Variants in ADAM12 observed in about 807,000 individuals in gnomAD.
The protein encoded by ADAM12 is disintegrin and metalloproteinase domain-containing protein 12.
A neutral mutation model predicts 106.4 loss-of-function variants in ADAM12; 70 were observed. That is an observed-to-expected ratio of 0.66 (90% CI 0.54 to 0.80). The LOEUF is 0.80. ADAM12 is among the 30% of genes least tolerant of loss of function. The pLI is 0.00. For missense variants in ADAM12, 1,010 were observed against 1,171.9 expected (o/e 0.86, Z 2.02); for synonymous variants, 420 against 433.5 (o/e 0.97, Z 0.39).
chr10:126,203,115 G>T (rs376723837), intron 3 of ADAM12, among the ~76,000 whole-genome samples: 1 of 152,260 alleles, frequency 6.6e-6, no homozygotes, highest in Non-Finnish European at 1.5e-5. Flanking sequence ...TGGAGACAGC[G>T]ATGGTCAGGT....
intron 1 of ADAM12, among the ~76,000 whole-genome samples, chr10:126,348,658 C>T (rs1463305633): frequency 6.6e-6 from 1 of 152,170 alleles, no homozygotes; most frequent in Non-Finnish European, 1.5e-5. Context: ...ACTGAGATTT[C>T]CTCTGTCTCT....
Position 126,071,567 on chromosome 10 carries a change from G to T in ADAM12, c.1233C>A (p.Asn411Lys). The T allele has an allele frequency of 6.2e-7, 1 of 1,614,136 alleles. No homozygotes were observed. Among genetic ancestry groups the T allele is most frequent in the East Asian group, 2.2e-5 (1 of 44,874 alleles). ...LEKGMGVCLF[N>K]LPEVRESFGG... Reference sequence around the variant, plus strand: ...CGAAAGACTCCCTGACTTCCGGCAGGTTAAACAGGCACACCCCCATTCCTT... The same window carrying T: ...CGAAAGACTCCCTGACTTCCGGCAGTTTAAACAGGCACACCCCCATTCCTT... The change falls in exon 12 of 23, where the codon AAC becomes AAA. Residue 411 changes from asparagine to lysine, a missense_variant. This residue lies in a region of ADAM12 where 615 missense variants were observed against 708.5 expected (regional missense o/e 0.87). Transcript: ENST00000448723.
intron 1 of ADAM12, among the ~76,000 whole-genome samples, chr10:126,342,397 C>T (rs1363846567): frequency 1.3e-5 from 2 of 152,174 alleles, no homozygotes; most frequent in African/African-American, 4.8e-5. Flanking sequence ...TTAGAATTAG[C>T]GTCCTGAAGA....
chr10:126,315,802 C>T (rs1380411973), intron 2 of ADAM12, among the ~76,000 whole-genome samples: 2 of 152,138 alleles, frequency 1.3e-5, no homozygotes, highest in Non-Finnish European at 2.9e-5. Context: ...ACAGCAGATC[C>T]AGACATGAAA....
intron 3 of ADAM12, among the ~76,000 whole-genome samples, chr10:126,211,752 C>T (rs1353191977): frequency 6.6e-6 from 1 of 152,170 alleles, no homozygotes; most frequent in Non-Finnish European, 1.5e-5. Flanking sequence ...TCATCTCTGC[C>T]TCCTGAACCA....
At chr10:126,316,783 C>CAAAAA (rs376131530) in intron 2 of ADAM12, among the ~76,000 whole-genome samples, 18 of 82,530 alleles carry the variant, frequency 2.2e-4, no homozygotes, top group East Asian at 6.2e-4. Flanking sequence ...GACCCTATCT[C>CAAAAA]AAAAAAAAAA....
In ADAM12 at chr10:126,043,793, G is replaced by A. The variant is rs998580750; in HGVS notation, c.1996-645C>T. Among the ~76,000 whole-genome samples, 1 of 152,232 alleles carries A rather than the reference G, an allele frequency of 6.6e-6. No homozygotes were observed. The highest frequency in any genetic ancestry group is 1.5e-5 in the Non-Finnish European group (1 of 68,040). ...CCTCCTTCTTGCAGAGGTTCCCAGT[G>A]GCTGTTCCCTGGCTCCCAGTCACGC... On this transcript the variant is annotated intron_variant, in intron 17 of 22. Transcript: ENST00000448723. This position sits in a 1 kb window ranked among gnomAD's most constrained non-coding sequence, Gnocchi z 4.1.
intron 6 of ADAM12, among the ~76,000 whole-genome samples, chr10:126,112,335 GTT>G (rs576900335): frequency 7.0e-6 from 1 of 142,428 alleles, no homozygotes; most frequent in South Asian, 2.3e-4. Context: ...CATGTATCCT[GTT>G]TTTTTTTTTT....
chr10:126,296,245 A>C (rs2133790168), intron 2 of ADAM12, among the ~76,000 whole-genome samples: 1 of 152,296 alleles, frequency 6.6e-6, no homozygotes, highest in African/African-American at 2.4e-5. Context: ...GGGCTCAAGC[A>C]ATCTTCCCAC....
In ADAM12 at chr10:126,064,859, T is replaced by G. The variant is rs755360717; in HGVS notation, c.1556A>C (p.Tyr519Ser). The G allele has an allele frequency of 1.9e-6, 3 of 1,612,388 alleles. No individual in the cohort carries two copies. The highest frequency in any genetic ancestry group is 4.5e-5 in the East Asian group (2 of 44,822). Residue 519 changes from tyrosine (Y) to serine (S), a missense_variant, in exon 14 of 23, where the codon TAC (tyrosine) becomes TCC (serine). By Grantham distance (144) the Tyr-to-Ser change is moderately radical. Around this residue, in one of 3 missense-constraint regions of ADAM12, gnomAD observed 615 missense variants for 708.5 expected, o/e 0.87. Transcript: ENST00000448723. This position sits in a 1 kb window ranked among gnomAD's most constrained non-coding sequence, Gnocchi z 4.4. Reference sequence around the variant, plus strand: ...CTCGTGAGTCTGGCAGATGCCATTGTAGCAGTAGCCGTCCACATCCTGACA... The same window carrying G: ...CTCGTGAGTCTGGCAGATGCCATTGGAGCAGTAGCCGTCCACATCCTGACA... ...HSCQDVDGYC[Y>S]NGICQTHEQQ...
At chr10:126,268,815 T>C (rs1959151760) in intron 3 of ADAM12, among the ~76,000 whole-genome samples, 2 of 152,174 alleles carry the variant, frequency 1.3e-5, no homozygotes, top group African/African-American at 4.8e-5. Context: ...TAGCAGAATC[T>C]GTGTTTATGA....
chr10:126,166,020 T>A (rs1048311936), intron 3 of ADAM12, among the ~76,000 whole-genome samples: 1 of 152,228 alleles, frequency 6.6e-6, no homozygotes, highest in Admixed American at 6.5e-5. Context: ...TTTGCCCAGC[T>A]CTTTCTCATT....
chr10:126,286,490 T>C (rs778144980), intron 2 of ADAM12, among the ~76,000 whole-genome samples: 18 of 152,180 alleles, frequency 1.2e-4, no homozygotes, highest in Non-Finnish European at 2.4e-4. Flanking sequence ...TCAAGGGAAC[T>C]CTAAAATAAC....
chr10:126,066,869 A>G lies in ADAM12; in HGVS notation c.1324-63T>C. On this transcript the variant is annotated intron_variant, in intron 12 of 22. Transcript: ENST00000448723. The surrounding 1 kb of genome is among the most constrained non-coding windows in gnomAD (Gnocchi z 5.1). ...TGGAGTATGCACTCACTGAATGCAA[A>G]CATCACACCTTAAATGGCTGCAAAA... is the stretch of plus-strand genomic sequence containing the variant. 1 of 1,479,720 alleles carries G rather than the reference A, an allele frequency of 6.8e-7. No individual in the cohort carries two copies. Among genetic ancestry groups the G allele is most frequent in the Non-Finnish European group, 9.4e-7 (1 of 1,063,212 alleles). The allele number at this position is 1,479,720 out of a possible 1,614,324, so 91.7% of individuals were successfully genotyped here. A position where few individuals can be genotyped will look rare whatever the true frequency, so the allele number is the denominator to read the frequency against.
chr10:126,127,868 G>A (rs1956230912), intron 5 of ADAM12, among the ~76,000 whole-genome samples: 1 of 152,188 alleles, frequency 6.6e-6, no homozygotes, highest in South Asian at 2.1e-4. Context: ...AGTCAAAAGG[G>A]AGGGCAGGGA....
At chr10:126,086,707 A>ATATATATATATATATAT (rs1449849709) in intron 11 of ADAM12, among the ~76,000 whole-genome samples, 4 of 92,918 alleles carry the variant, frequency 4.3e-5, no homozygotes, top group African/African-American at 1.7e-4. Flanking sequence ...ATATATATAT[A>ATATATATATATATATAT]AAATAAAATA....
Position 126,108,545 on chromosome 10 carries a change from C to G in ADAM12, c.741+48G>C, listed in dbSNP as rs11244814. Reference sequence around the variant, plus strand: ...AGATGAGGTCCCCCAACCTCATTTCCAAACATTTACATGATCTGAATGATT... The same window carrying G: ...AGATGAGGTCCCCCAACCTCATTTCGAAACATTTACATGATCTGAATGATT... On this transcript the variant is annotated intron_variant, in intron 8 of 22. Coordinates refer to ENST00000448723, the MANE Select transcript of ADAM12 (RefSeq NM_001288973.2). 14,049 of 1,562,846 alleles carry G rather than the reference C, an allele frequency of 9.0e-3. 1,099 individuals are homozygous for G. In the African/African-American group the frequency reaches 0.17, roughly 19 times the overall value.
chr10:126,157,137 A>T (rs1262553996), intron 3 of ADAM12, among the ~76,000 whole-genome samples: 1 of 152,154 alleles, frequency 6.6e-6, no homozygotes, highest in Non-Finnish European at 1.5e-5. Context: ...TCTGGGGATG[A>T]CGTCTTTCTT....
chr10:126,110,819 C>CA (rs745474857), intron 6 of ADAM12, among the ~76,000 whole-genome samples: 40 of 152,090 alleles, frequency 2.6e-4, no homozygotes, highest in Non-Finnish European at 5.0e-4. Flanking sequence ...ACATTAAAAA[C>CA]AAAAAACAAA....
Sources: allele counts gnomAD v4.1 joint callset (sites outside exome capture counted in the v4.1 genomes callset), GRCh38; gene constraint gnomAD v4.1.1; regional missense constraint gnomAD v4.1.1; non-coding constraint Gnocchi (gnomAD v3.1); transcripts MANE v1.5; gene names NCBI Gene and HGNC (gene_info 2026-07-23, HGNC 2026-07-21).